Variants in ROS1 observed in about 807,000 individuals in gnomAD.
ROS1 encodes the protein ROS proto-oncogene 1, receptor tyrosine kinase, also known as proto-oncogene tyrosine-protein kinase ROS.
In ROS1, 263 loss-of-function variants were observed where a neutral mutation model predicts 273.5. The ratio of observed to expected loss-of-function variants is 0.96; its 90% CI spans 0.87 to 1.06. ROS1 has a LOEUF of 1.06. Among genes scored for constraint, ROS1 ranks in the 50% least tolerant of loss-of-function variants. ROS1 has a pLI of 0.00. For synonymous variants in ROS1, 1,008 were observed against 954.1 expected (o/e 1.06, Z -1.04); for missense variants, 2,833 against 2,751.1 (o/e 1.03, Z -0.67).
intron 7 of ROS1, among the ~76,000 whole-genome samples, chr6:117,402,284 G>A (rs1774010085): frequency 6.6e-6 from 1 of 152,158 alleles, no homozygotes. Flanking sequence ...AGATGTTCTT[G>A]CCTTAGGTCT....
chr6:117,326,442 A>T (rs2128582469), intron 33 of ROS1, 28 bp from the exon 34 acceptor site: 1 of 1,291,736 alleles, frequency 7.7e-7, no homozygotes, highest in South Asian at 1.5e-5. Flanking sequence ...TACAGAAAAT[A>T]TACATGACAA....
intron 42 of ROS1, among the ~76,000 whole-genome samples, chr6:117,303,859 C>T (rs1008475757): frequency 6.6e-6 from 1 of 152,096 alleles, no homozygotes; most frequent in African/African-American, 2.4e-5. Context: ...TAACGATGGC[C>T]CAGAAATCAT....
intron 18 of ROS1, among the ~76,000 whole-genome samples, chr6:117,371,319 G>A (rs1780750871): frequency 6.6e-6 from 1 of 152,106 alleles, no homozygotes. Context: ...AAAACCTGAA[G>A]GTCCAGATCA....
chr6:117,394,447 A>G (rs1773327521), intron 10 of ROS1, 101 bp from the exon 11 acceptor site: 2 of 863,118 alleles, frequency 2.3e-6, no homozygotes, highest in South Asian at 7.4e-5. Flanking sequence ...ATAAATTAAA[A>G]TAGAAGTATT....
intron 32 of ROS1, among the ~76,000 whole-genome samples, chr6:117,336,384 C>T (rs1254264597): frequency 6.6e-6 from 1 of 151,948 alleles, no homozygotes; most frequent in African/African-American, 2.4e-5. Flanking sequence ...CATGCGTTCT[C>T]ATTGTTCAGC....
chr6:117,394,231 A>G lies in ROS1; in HGVS notation c.1122T>C (p.Gly374=). The G allele has an allele frequency of 6.2e-7, 1 of 1,609,658 alleles. No individual in the cohort carries two copies. Among genetic ancestry groups the G allele is most frequent in the South Asian group, 1.1e-5 (1 of 90,200 alleles). ...DVSDLRIFYR[G]SGLISSISID... ...TGGAGATAGAAGAAATTAATCCTGAACCTCTGTAAAAAATTCTCAGGTCAG... is the reference window on the plus strand; with the variant it reads ...TGGAGATAGAAGAAATTAATCCTGAGCCTCTGTAAAAAATTCTCAGGTCAG... The change falls in exon 11 of 44, where the codon GGT becomes GGC. Residue 374 remains glycine (G), a synonymous_variant. Coordinates refer to ENST00000368507, the MANE Select transcript of ROS1 (RefSeq NM_001378902.1).
At chr6:117,346,928 A>T (rs913065915) in intron 27 of ROS1, among the ~76,000 whole-genome samples, 6 of 152,022 alleles carry the variant, frequency 3.9e-5, no homozygotes, top group Non-Finnish European at 8.8e-5. Context: ...GCCTTCTCGC[A>T]ACTAGTGATC....
intron 18 of ROS1, among the ~76,000 whole-genome samples, chr6:117,372,830 G>C (rs540179529): frequency 2.6e-5 from 4 of 152,346 alleles, no homozygotes; most frequent in East Asian, 3.9e-4. Context: ...CTTCTACACT[G>C]TGGAAAAGGA....
intron 1 of ROS1, among the ~76,000 whole-genome samples, chr6:117,423,289 T>TC (rs1408209480): frequency 3.3e-5 from 5 of 152,062 alleles, no homozygotes; most frequent in African/African-American, 9.7e-5. Flanking sequence ...TAGCACCTGT[T>TC]CCCCCAATAA....
chr6:117,388,603 T>C (rs1772788253), intron 13 of ROS1, among the ~76,000 whole-genome samples: 2 of 152,178 alleles, frequency 1.3e-5, no homozygotes, highest in Admixed American at 1.3e-4. Flanking sequence ...AGTTATTCAT[T>C]TACATATTAT....
At chr6:117,367,159 G>C (rs76125433) in intron 18 of ROS1, among the ~76,000 whole-genome samples, 1,555 of 152,318 alleles carry the variant, frequency 0.01, 17 homozygotes, top group Non-Finnish European at 0.016. Context: ...TTAGCCTATA[G>C]ATGTGAAGTT....
intron 43 of ROS1, among the ~76,000 whole-genome samples, chr6:117,289,763 T>A (rs1562239830): frequency 6.6e-6 from 1 of 152,142 alleles, no homozygotes; most frequent in Non-Finnish European, 1.5e-5. Context: ...ATCTCCCTAA[T>A]AGAAAGAACT....
chr6:117,344,154 C>A lies in ROS1; in HGVS notation c.4412G>T (p.Trp1471Leu), dbSNP rs1046794283. 6.2e-6 allele frequency: 10 copies of A among 1,613,750 alleles called. No individual in the cohort carries two copies. The Admixed American group carries it at 1.5e-4, about 24-fold the overall frequency. Residue 1471 changes from tryptophan (W) to leucine (L), a missense_variant, in exon 28 of 44, where the codon TGG becomes TTG. Trp to Leu is a moderately conservative substitution (Grantham distance 61). Coordinates refer to ENST00000368507, the MANE Select transcript of ROS1 (RefSeq NM_001378902.1). ...TGGAGTAGGGCTGGTGATGCCATAC[C>A]ATGTGAGGTTTGTCTTGGCCAGAGG... ...RLPLAKTNLT[W>L]YGITSPTPTY...
chr6:117,390,479 G>A (rs1449989078), intron 12 of ROS1, among the ~76,000 whole-genome samples: 2 of 152,064 alleles, frequency 1.3e-5, no homozygotes, highest in African/African-American at 4.8e-5. Context: ...GAAATCACAT[G>A]GCTAAATATG....
intron 42 of ROS1, among the ~76,000 whole-genome samples, chr6:117,305,014 G>A (rs1931227): frequency 0.011 from 1,676 of 152,114 alleles, 15 homozygotes; most frequent in Admixed American, 0.018. Context: ...CTCCTGAGCC[G>A]TGCTTCCTGT....
At position 117,383,454 on chromosome 6, in the gene ROS1, G is replaced by A; in HGVS notation, c.2344C>T (p.Leu782=). ...TCCACCACCATGTCATTCACCAATAGCTTCACGTGGGTAACAATGTCTGTG... is the reference window on the plus strand; with the variant it reads ...TCCACCACCATGTCATTCACCAATAACTTCACGTGGGTAACAATGTCTGTG... ...GHTDIVTHVK[L]LVNDMVVDSV... Residue 782 remains leucine (L), a synonymous_variant, in exon 17 of 44, where the codon CTA becomes TTA. Coordinates refer to ENST00000368507, the MANE Select transcript of ROS1 (RefSeq NM_001378902.1). 2 of 1,614,076 alleles carry A rather than the reference G, an allele frequency of 1.2e-6. No homozygotes were observed. Among genetic ancestry groups the A allele is most frequent in the Non-Finnish European group, 1.7e-6 (2 of 1,179,944 alleles).
chr6:117,331,687 C>T (rs1777087150), intron 32 of ROS1, among the ~76,000 whole-genome samples: 1 of 152,130 alleles, frequency 6.6e-6, no homozygotes. Flanking sequence ...GGGCCAACAT[C>T]AACATTCTTA....
chr6:117,364,168 C>T (rs1403885540), intron 21 of ROS1, among the ~76,000 whole-genome samples: 17 of 152,074 alleles, frequency 1.1e-4, no homozygotes, highest in Non-Finnish European at 1.9e-4. Flanking sequence ...CTAACTGCTC[C>T]GGAACCTGCC....
At chr6:117,316,137 T>C (rs487697) in intron 39 of ROS1, among the ~76,000 whole-genome samples, 48,430 of 151,980 alleles carry the variant, frequency 0.32, 7,796 homozygotes, top group South Asian at 0.37. Flanking sequence ...TTCCTGTGTG[T>C]AGCGTGGTGA....
Sources: gnomAD v4.1 joint callset for allele counts (sites outside exome capture counted in the v4.1 genomes callset) on GRCh38, gnomAD v4.1.1 for gene constraint, MANE v1.5 for transcripts, NCBI Gene and HGNC (gene_info 2026-07-23, HGNC 2026-07-21) for gene names.